MAML3: variants seen among roughly 807,000 people sequenced by gnomAD.
The protein encoded by MAML3 is mastermind like transcriptional coactivator 3, also known as mastermind-like protein 3.
A neutral mutation model predicts 101.9 loss-of-function variants in MAML3; 27 were observed. The ratio of observed to expected loss-of-function variants is 0.27; its 90% CI spans 0.20 to 0.37. The LOEUF is 0.37. Among genes scored for constraint, MAML3 ranks in the 10% least tolerant of loss-of-function variants. The pLI is 1.00. For synonymous variants in MAML3, 501 were observed against 555.9 expected, an observed-to-expected ratio of 0.90 and a Z score of 1.39; for missense variants, 1,316 against 1,444.9, an observed-to-expected ratio of 0.91 and a Z score of 1.45.
At chr4:140,152,802 C>CCCCCCA (rs1330510501) in intron 1 of MAML3, 58 bp downstream of exon 1, 1 of 1,563,568 alleles carries the variant, frequency 6.4e-7, no homozygotes, top group Non-Finnish European at 8.7e-7. Context: ...CCACGCGCCC[C>CCCCCCA]CCACCACCAC....
chr4:140,046,546 C>A (rs1727185827), intron 1 of MAML3, among the ~76,000 whole-genome samples: 1 of 152,274 alleles, frequency 6.6e-6, no homozygotes, highest in Non-Finnish European at 1.5e-5. Context: ...AGTTTGAAAA[C>A]CTGGCGAATT....
intron 1 of MAML3, among the ~76,000 whole-genome samples, chr4:139,979,698 G>C (rs1734408973): frequency 1.3e-5 from 2 of 152,138 alleles, no homozygotes; most frequent in Admixed American, 1.3e-4. Context: ...GCCATGTGAG[G>C]ACACAGTGTT....
intron 1 of MAML3, among the ~76,000 whole-genome samples, chr4:140,023,269 G>C (rs898224888): frequency 6.6e-6 from 1 of 152,204 alleles, no homozygotes; most frequent in African/African-American, 2.4e-5. Context: ...TTTCCTGAGA[G>C]ATGGACCACA....
chr4:139,988,050 A>G (rs2110821010), intron 1 of MAML3, among the ~76,000 whole-genome samples: 1 of 104,132 alleles, frequency 9.6e-6, no homozygotes, highest in Middle Eastern at 5.3e-3. Context: ...AAAGGAAGAA[A>G]GAAGAAACAA....
At chr4:139,830,640 TCCTGA>T (rs959937597) in intron 2 of MAML3, among the ~76,000 whole-genome samples, 2 of 152,042 alleles carry the variant, frequency 1.3e-5, no homozygotes, top group Non-Finnish European at 2.9e-5. Context: ...GATGTCGATC[TCCTGA>T]CCTCGTGATC....
intron 1 of MAML3, among the ~76,000 whole-genome samples, chr4:140,100,513 A>G (rs76867218): frequency 0.011 from 1,626 of 152,292 alleles, 18 homozygotes; most frequent in African/African-American, 0.035. Context: ...CTGTGAATAG[A>G]GGCATTTCTT....
chr4:140,062,861 G>C (rs768954988), intron 1 of MAML3, among the ~76,000 whole-genome samples: 10 of 152,178 alleles, frequency 6.6e-5, no homozygotes, highest in Non-Finnish European at 1.3e-4. Context: ...GTACTTCCTT[G>C]AGTCTACTCA....
chr4:139,865,681 T>C (rs1324730660), intron 2 of MAML3, among the ~76,000 whole-genome samples: 1 of 152,200 alleles, frequency 6.6e-6, no homozygotes, highest in Non-Finnish European at 1.5e-5. Flanking sequence ...GACTCTGCCT[T>C]AATCTCCTCA....
intron 2 of MAML3, among the ~76,000 whole-genome samples, chr4:139,743,660 CG>C (rs921037468): frequency 2.0e-5 from 3 of 152,136 alleles, no homozygotes; most frequent in African/African-American, 7.2e-5. Context: ...GGATACCACA[CG>C]GGGAAAAGCC....
intron 4 of MAML3, among the ~76,000 whole-genome samples, chr4:139,725,145 T>C (rs1027878055): frequency 6.6e-6 from 1 of 152,196 alleles, no homozygotes; most frequent in Admixed American, 6.5e-5. Context: ...TGACATACAG[T>C]GCGCCCACTG....
chr4:140,013,506 C>T (rs967351365), intron 1 of MAML3, among the ~76,000 whole-genome samples: 2 of 152,128 alleles, frequency 1.3e-5, no homozygotes, highest in African/African-American at 2.4e-5. Context: ...CTTTTGTGCC[C>T]GTTTTTCTTT....
intron 1 of MAML3, among the ~76,000 whole-genome samples, chr4:140,011,098 GAAAA>G (rs70943466): frequency 3.1e-5 from 3 of 97,542 alleles, no homozygotes; most frequent in African/African-American, 1.2e-4. Context: ...ACTCTGTCTC[GAAAA>G]AAAAAAAAAA....
At chr4:139,724,287 A>G (rs795606) in intron 4 of MAML3, among the ~76,000 whole-genome samples, 53,087 of 152,102 alleles carry the variant, frequency 0.35, 10,663 homozygotes, top group Middle Eastern at 0.51. Context: ...ACTGTAAACT[A>G]CAGCTCACAG....
At chr4:140,083,991 G>C (rs941499004) in intron 1 of MAML3, among the ~76,000 whole-genome samples, 3 of 144,950 alleles carry the variant, frequency 2.1e-5, no homozygotes, top group South Asian at 4.3e-4. Context: ...GAGAGAGAGA[G>C]AGAGAGAGAG....
chr4:139,934,018 T>C (rs769677), intron 1 of MAML3, among the ~76,000 whole-genome samples: 3,572 of 152,258 alleles, frequency 0.023, 139 homozygotes, highest in African/African-American at 0.082. Flanking sequence ...TATGTGAGTG[T>C]ATATGAATGT....
chr4:140,004,713 G>A (rs969975222), intron 1 of MAML3, among the ~76,000 whole-genome samples: 1 of 152,022 alleles, frequency 6.6e-6, no homozygotes, highest in African/African-American at 2.4e-5. Context: ...TCACGGGGCT[G>A]GCGAGGGAGC....
At chr4:140,047,794 T>C (rs1727206281) in intron 1 of MAML3, among the ~76,000 whole-genome samples, 2 of 145,974 alleles carry the variant, frequency 1.4e-5, no homozygotes, top group Admixed American at 7.3e-5. Context: ...TAAATAGCTC[T>C]GGTTTAGCTT....
chr4:139,969,959 C>T (rs1240031126), intron 1 of MAML3, among the ~76,000 whole-genome samples: 1 of 152,192 alleles, frequency 6.6e-6, no homozygotes, highest in East Asian at 1.9e-4. Context: ...AGTTTTCAGA[C>T]CTTGATCTGC....
chr4:140,150,452 T>C (rs1467036912), intron 1 of MAML3, among the ~76,000 whole-genome samples: 1 of 152,120 alleles, frequency 6.6e-6, no homozygotes, highest in East Asian at 1.9e-4. Context: ...TCGCAAACTC[T>C]ACTCATCTTG....
Sources: allele counts gnomAD v4.1 joint callset (sites outside exome capture counted in the v4.1 genomes callset), GRCh38; gene constraint gnomAD v4.1.1; transcripts MANE v1.5; gene names NCBI Gene and HGNC (gene_info 2026-07-23, HGNC 2026-07-21).